ABCB9: variants seen among roughly 807,000 people sequenced by gnomAD.
ABCB9 encodes ATP binding cassette subfamily B member 9, also known as ABC-type oligopeptide transporter ABCB9.
Under a neutral mutation model 62.0 loss-of-function variants are expected in ABCB9, and 36 were observed. The ratio of observed to expected loss-of-function variants is 0.58; its 90% CI spans 0.45 to 0.77. The LOEUF is 0.77. ABCB9 is among the 30% of genes least tolerant of loss of function. The pLI, the probability that ABCB9 is intolerant of heterozygous loss-of-function variation, is 0.00. For missense variants in ABCB9, 943 were observed against 1,054.7 expected (o/e 0.89, Z 1.47); for synonymous variants, 435 against 461.4 (o/e 0.94, Z 0.73).
chr12:122,921,090 G>C (rs2135727912), intron 11 of ABCB9: 2 of 1,531,168 alleles, frequency 1.3e-6, no homozygotes, highest in East Asian at 2.4e-5. Context: ...GGAAACATTG[G>C]GAGTCTGCTT....
chr12:122,969,497 C>A (rs1431637228), upstream of ABCB9, among the ~76,000 whole-genome samples: 1 of 152,136 alleles, frequency 6.6e-6, no homozygotes, highest in East Asian at 1.9e-4. Context: ...TGCCTGTAAT[C>A]CCAGCACTTT....
chr12:122,920,156 C>G (rs1266890469), downstream of ABCB9, among the ~76,000 whole-genome samples: 1 of 152,110 alleles, frequency 6.6e-6, no homozygotes, highest in African/African-American at 2.4e-5. Context: ...GCTGGGATTA[C>G]AGGCATGAGC....
At chr12:122,974,389 T>G (rs1347152335) in intron 1 of ABCB9, 1 of 152,208 alleles carries the variant, frequency 6.6e-6, no homozygotes, top group East Asian at 1.9e-4. Flanking sequence ...CTGTGGTGGT[T>G]AACTGGGGAA....
chr12:122,934,514 C>T (rs888485588), intron 10 of ABCB9, among the ~76,000 whole-genome samples: 2 of 151,702 alleles, frequency 1.3e-5, no homozygotes, highest in African/African-American at 4.8e-5. Flanking sequence ...CATAGCAAGA[C>T]CCCGTCTCTA....
upstream of ABCB9, among the ~76,000 whole-genome samples, chr12:122,970,491 A>ACCTGCCT (rs1347609317): frequency 6.6e-6 from 1 of 151,956 alleles, no homozygotes; most frequent in African/African-American, 2.4e-5. Context: ...CAGGTGATCC[A>ACCTGCCT]CCTGCCTCGG....
chr12:122,969,965 T>C (rs2037252049), upstream of ABCB9, among the ~76,000 whole-genome samples: 1 of 152,138 alleles, frequency 6.6e-6, no homozygotes. Context: ...GGTTTTTTTA[T>C]AAAACTAACT....
chr12:122,955,053 A>G (rs1338782490), intron 2 of ABCB9, among the ~76,000 whole-genome samples: 3 of 152,058 alleles, frequency 2.0e-5, no homozygotes, highest in African/African-American at 7.2e-5. Flanking sequence ...CTCCTTGGCC[A>G]CCCAAGTAGC....
At chr12:122,920,133 G>A (rs1201054343), downstream of ABCB9, among the ~76,000 whole-genome samples, 1 of 151,916 alleles carries the variant, frequency 6.6e-6, no homozygotes, top group East Asian at 1.9e-4. Context: ...CGCCTGCCTC[G>A]GCCTCCCAAA....
intron 9 of ABCB9, among the ~76,000 whole-genome samples, chr12:122,938,586 T>C (rs372018944): frequency 4.0e-5 from 6 of 151,384 alleles, no homozygotes; most frequent in East Asian, 3.9e-4. Flanking sequence ...CCCAGCACTT[T>C]GGGAGGCCGA....
In ABCB9 at chr12:122,932,935, C is replaced by T. The variant is rs574666397; in HGVS notation, c.1904-607G>A. On this transcript the variant is annotated intron_variant, in intron 10 of 11. Coordinates refer to ENST00000280560, the MANE Select transcript of ABCB9 (RefSeq NM_019625.4). This position sits in a 1 kb window ranked among gnomAD's most constrained non-coding sequence, Gnocchi z 4.7. Reference sequence around the variant, plus strand: ...AGACAGGGTCTCACTCTCTCACCCACGCTAGAGTGCAGTAGTACAATCACT... The same window carrying T: ...AGACAGGGTCTCACTCTCTCACCCATGCTAGAGTGCAGTAGTACAATCACT... Among the ~76,000 whole-genome samples, 75 of 152,336 alleles carry T rather than the reference C, an allele frequency of 4.9e-4. No homozygotes were observed. The highest frequency in any genetic ancestry group is 3.4e-3 in the Middle Eastern group (1 of 294).
At chr12:122,955,368 G>C (rs1278203142) in intron 2 of ABCB9, among the ~76,000 whole-genome samples, 3 of 152,250 alleles carry the variant, frequency 2.0e-5, no homozygotes, top group Non-Finnish European at 4.4e-5. Flanking sequence ...CAGGGCCCCA[G>C]CAGGTCGGGT....
chr12:122,962,072 C>T (rs2036934924), intron 1 of ABCB9, among the ~76,000 whole-genome samples: 1 of 152,210 alleles, frequency 6.6e-6, no homozygotes, highest in South Asian at 2.1e-4. Flanking sequence ...GAATCTTTTC[C>T]TCCTGCCCAG....
In ABCB9 at chr12:122,940,988, C is replaced by G; in HGVS notation, c.1388G>C (p.Gly463Ala). ...CTGCATCAGGCCACTGTAGACGGAG[C>G]CCACGGACTGGGGAGAGGAGACACG... Reference protein sequence around the residue: ...FVLGDCMESVGSVYSGLMQGV... With the variant: ...FVLGDCMESVASVYSGLMQGV... Residue 463 changes from glycine (G) to alanine (A), a missense_variant, in exon 8 of 12, where the codon GGC becomes GCC. Physicochemically the swap from Gly to Ala is moderately conservative, Grantham distance 60. Transcript: ENST00000280560. This position sits in a 1 kb window ranked among gnomAD's most constrained non-coding sequence, Gnocchi z 4.8. The G allele has an allele frequency of 6.2e-7, 1 of 1,602,388 alleles. No homozygotes were observed. The highest frequency in any genetic ancestry group is 8.5e-7 in the Non-Finnish European group (1 of 1,171,904).
chr12:122,974,986 G>A (rs138666389), exon 1 of ABCB9: 96 of 330,670 alleles, frequency 2.9e-4, no homozygotes, highest in African/African-American at 1.9e-3. Flanking sequence ...GTGAAGGCAC[G>A]ACCCAGTTCA....
intron 11 of ABCB9, among the ~76,000 whole-genome samples, chr12:122,922,324 G>A (rs765825378): frequency 6.6e-6 from 1 of 152,100 alleles, no homozygotes. Flanking sequence ...CATTGCTAAC[G>A]ATTTCCTCTC....
Position 122,940,688 on chromosome 12 carries a change from G to A in ABCB9, c.1569+119C>T, listed in dbSNP as rs1032850190. ...CAACTGGAGCCCAAAACTCCTGGAG[G>A]GCAATGATCTTGCCTGACATATTCC... On this transcript the variant is annotated intron_variant, in intron 8 of 11. Coordinates refer to ENST00000280560, the MANE Select transcript of ABCB9 (RefSeq NM_019625.4). This position sits in a 1 kb window ranked among gnomAD's most constrained non-coding sequence, Gnocchi z 4.8. 42 of 1,260,378 alleles carry A rather than the reference G, an allele frequency of 3.3e-5. No homozygotes were observed. Among genetic ancestry groups the A allele is most frequent in the Non-Finnish European group, 4.3e-5 (40 of 936,864 alleles). 78.1% of individuals were successfully genotyped at this position (1,260,378 alleles called of 1,614,324 possible). A position where few individuals can be genotyped will look rare whatever the true frequency, so the allele number is the denominator to read the frequency against.
chr12:122,940,077 G>T lies in ABCB9; in HGVS notation c.1743+34C>A, dbSNP rs1216979288. The T allele has an allele frequency of 6.3e-7, 1 of 1,588,792 alleles. No individual in the cohort carries two copies. The highest frequency in any genetic ancestry group is 1.8e-5 in the Admixed American group (1 of 55,490). On this transcript the variant is annotated intron_variant, in intron 9 of 11. Transcript: ENST00000280560. This position sits in a 1 kb window ranked among gnomAD's most constrained non-coding sequence, Gnocchi z 4.8. ...AAGAAAGACGGTTAGATGCAGAAAGGGCGGAGAAGTGTGGCCCAGGCCCGT... is the reference window on the plus strand; with the variant it reads ...AAGAAAGACGGTTAGATGCAGAAAGTGCGGAGAAGTGTGGCCCAGGCCCGT...
At chr12:122,919,439 T>A (rs1374270574), downstream of ABCB9, among the ~76,000 whole-genome samples, 1 of 152,124 alleles carries the variant, frequency 6.6e-6, no homozygotes, top group Non-Finnish European at 1.5e-5. Context: ...CCCAAAGTGC[T>A]GGGATTACAA....
In ABCB9 at chr12:122,940,044, C is replaced by T. The variant is rs2035662248; in HGVS notation, c.1743+67G>A. The stretch of plus-strand genomic sequence containing the variant: ...CTAGTGCCCTCTTCCGCACCTGTTA[C>T]AGCTCACAAGAAAGACGGTTAGATG... On this transcript the variant is annotated intron_variant, in intron 9 of 11. Transcript: ENST00000280560. This position sits in a 1 kb window ranked among gnomAD's most constrained non-coding sequence, Gnocchi z 4.8. The T allele has an allele frequency of 2.0e-6, 3 of 1,538,386 alleles. No individual in the cohort carries two copies. Among genetic ancestry groups the T allele is most frequent in the East Asian group, 2.4e-5 (1 of 41,716 alleles).
Sources: allele counts gnomAD v4.1 joint callset (sites outside exome capture counted in the v4.1 genomes callset), GRCh38; gene constraint gnomAD v4.1.1; non-coding constraint Gnocchi (gnomAD v3.1); transcripts MANE v1.5; gene names NCBI Gene and HGNC (gene_info 2026-07-23, HGNC 2026-07-21).